SLC25A24: variants seen among roughly 807,000 people sequenced by gnomAD.
The protein encoded by SLC25A24 is mitochondrial adenyl nucleotide antiporter SLC25A24.
In SLC25A24, 49 loss-of-function variants were observed where a neutral mutation model predicts 60.7. That is an observed-to-expected ratio of 0.81 (90% CI 0.64 to 1.02). The LOEUF (loss-of-function observed/expected upper bound fraction) is 1.02, where lower values mean the gene tolerates loss of function less well. Among genes scored for constraint, SLC25A24 ranks in the 50% least tolerant of loss-of-function variants. The probability of loss-of-function intolerance (pLI) is 0.00; values close to 1 mark genes in which losing one functional copy is unlikely to be tolerated. For synonymous variants in SLC25A24, 202 were observed against 200.6 expected (o/e 1.01, Z -0.06); for missense variants, 564 against 586.3 (o/e 0.96, Z 0.39).
chr1:108,178,872 C>G (rs1264090734), intron 3 of SLC25A24, among the ~76,000 whole-genome samples: 1 of 151,326 alleles, frequency 6.6e-6, no homozygotes, highest in African/African-American at 2.4e-5. Context: ...TTCACAAATA[C>G]ATGGAAATTA....
At position 108,174,568 on chromosome 1, in the gene SLC25A24, C is replaced by A. The variant is rs528569153; in HGVS notation, c.398+7373G>T. Reference sequence around the variant, plus strand: ...ACACAGAGTCCCCACTGGAGCACTGCCTAGTGGAGCTGTGAAAAGAGGGCC... The same window carrying A: ...ACACAGAGTCCCCACTGGAGCACTGACTAGTGGAGCTGTGAAAAGAGGGCC... On this transcript the variant is annotated intron_variant, in intron 3 of 9. Coordinates refer to ENST00000565488, the MANE Select transcript of SLC25A24 (RefSeq NM_013386.5). Among the ~76,000 whole-genome samples, 305 of 152,214 alleles carry A rather than the reference C, an allele frequency of 2.0e-3. 2 individuals carry two copies. Among genetic ancestry groups the A allele is most frequent in the Middle Eastern group, 3.4e-3 (1 of 294 alleles).
At chr1:108,194,930 G>A (rs924350285) in intron 1 of SLC25A24, among the ~76,000 whole-genome samples, 2 of 152,174 alleles carry the variant, frequency 1.3e-5, no homozygotes, top group African/African-American at 2.4e-5. Context: ...TTTGAACCCT[G>A]TTCTGATTCC....
rs141137236 is a variant in SLC25A24, at chr1:108,144,964, T to A, written c.931-1254A>T. 3.9e-3 allele frequency among the ~76,000 whole-genome samples: 588 copies of A among 152,314 alleles called. 4 individuals are homozygous for A. The highest frequency in any genetic ancestry group is 0.013 in the African/African-American group (527 of 41,564). On this transcript the variant is annotated intron_variant, in intron 7 of 9. Transcript: ENST00000565488. ...TATAACCAGTAATGGGATTGCTGGG[T>A]CAAACGGTATTTCTGGTTCTAGATC...
chr1:108,168,772 T>C (rs997115579), intron 3 of SLC25A24, among the ~76,000 whole-genome samples: 2 of 152,240 alleles, frequency 1.3e-5, no homozygotes, highest in African/African-American at 2.4e-5. Context: ...GCAAATACCT[T>C]CTCTTTGTCT....
chr1:108,137,172 A>T (rs1266767636), intron 9 of SLC25A24, among the ~76,000 whole-genome samples: 2 of 152,186 alleles, frequency 1.3e-5, no homozygotes, highest in Non-Finnish European at 2.9e-5. Flanking sequence ...AATTTGTCCT[A>T]AAAAAATCTA....
chr1:108,173,091 A>T (rs952779229), intron 3 of SLC25A24, among the ~76,000 whole-genome samples: 28 of 152,148 alleles, frequency 1.8e-4, no homozygotes, highest in Non-Finnish European at 1.0e-4. Context: ...GACAGTTCAG[A>T]TATGGTGGCT....
At chr1:108,151,019 G>A (rs535831043) in intron 6 of SLC25A24, among the ~76,000 whole-genome samples, 13 of 105,224 alleles carry the variant, frequency 1.2e-4, no homozygotes, top group South Asian at 8.7e-4. Context: ...TGGCCAATAC[G>A]GTGAAACCTC....
rs78958811 is a variant in SLC25A24 at position 108,151,652 on chromosome 1, A to G, written c.823-3266T>C. Among the ~76,000 whole-genome samples the G allele has an allele frequency of 5.2e-3, 789 of 152,192 alleles. 10 individuals carry two copies. Among genetic ancestry groups the G allele is most frequent in the African/African-American group, 0.017 (714 of 41,494 alleles). ...CTTATTCCTAGAATTCTTCTCATTT[A>G]TAAGCTCTTCTTGAGTGATCCTGCC... On this transcript the variant is annotated intron_variant, in intron 6 of 9. Coordinates refer to ENST00000565488, the MANE Select transcript of SLC25A24 (RefSeq NM_013386.5).
rs1395118539 is a variant in SLC25A24, at chr1:108,162,638, GTTGT to G, written c.399-1349_399-1346del. Among the ~76,000 whole-genome samples the G allele has an allele frequency of 5.9e-5, 9 of 152,248 alleles. No individual in the cohort carries two copies. In the South Asian group the frequency reaches 1.0e-3, roughly 18 times the overall value. Reference sequence around the variant, plus strand: ...TGTCCTTCACCCACTTTTTGATAGGGTTGTTTGTTTTTTTCTTGTAAATTTGTTT... The same window carrying G: ...TGTCCTTCACCCACTTTTTGATAGGGTTGTTTTTTTCTTGTAAATTTGTTT... On this transcript the variant is annotated intron_variant, in intron 3 of 9. Coordinates refer to ENST00000565488, the MANE Select transcript of SLC25A24 (RefSeq NM_013386.5).
chr1:108,164,723 T>C (rs1262693849), intron 3 of SLC25A24, among the ~76,000 whole-genome samples: 3 of 148,812 alleles, frequency 2.0e-5, no homozygotes, highest in Non-Finnish European at 4.4e-5. Context: ...ATCAATTTTG[T>C]TGATCCTTTC....
chr1:108,167,113 G>C (rs1194429640), intron 3 of SLC25A24, among the ~76,000 whole-genome samples: 1 of 151,946 alleles, frequency 6.6e-6, no homozygotes, highest in Non-Finnish European at 1.5e-5. Context: ...GGGCGTCAGG[G>C]GTCAGGGACC....
rs148128812 is a variant in SLC25A24, at chr1:108,200,248, A to G, written c.-110T>C. On this transcript the variant is annotated 5_prime_UTR_variant, in exon 1 of 10. Transcript: ENST00000565488. ...GGCTGGGCGGGGCGCGCGGCGCAACAGCGTTTGGGGCGCCGTCGGGGTTGC... is the reference window on the plus strand; with the variant it reads ...GGCTGGGCGGGGCGCGCGGCGCAACGGCGTTTGGGGCGCCGTCGGGGTTGC... 1 of 1,122,310 alleles carries G rather than the reference A, an allele frequency of 8.9e-7. No homozygotes were observed. The highest frequency in any genetic ancestry group is 3.2e-5 in the East Asian group (1 of 31,284). 69.5% of individuals were successfully genotyped at this position (1,122,310 alleles called of 1,614,324 possible). A position where few individuals can be genotyped will look rare whatever the true frequency, so the allele number is the denominator to read the frequency against.
chr1:108,160,435 G>A (rs942771772), intron 4 of SLC25A24, among the ~76,000 whole-genome samples: 16 of 151,108 alleles, frequency 1.1e-4, no homozygotes, highest in Admixed American at 6.6e-4. Context: ...ACAGGATGGC[G>A]GCCGGGCAGA....
At chr1:108,148,170 C>T (rs1679658266) in intron 7 of SLC25A24, 109 bp downstream of exon 7, 7 of 758,262 alleles carry the variant, frequency 9.2e-6, no homozygotes, top group East Asian at 5.0e-5. Context: ...AGAAACTGTG[C>T]GATGATAAAT....
intron 7 of SLC25A24, among the ~76,000 whole-genome samples, chr1:108,144,680 G>A (rs1458789486): frequency 6.6e-6 from 1 of 152,130 alleles, no homozygotes; most frequent in East Asian, 1.9e-4. Context: ...AACATGTGGT[G>A]TTTGGTTTTC....
chr1:108,181,879 A>G, intron 3 of SLC25A24, 62 bp downstream of exon 3: 1 of 1,201,066 alleles, frequency 8.3e-7, no homozygotes, highest in Non-Finnish European at 1.2e-6. Flanking sequence ...ACTTACAAAC[A>G]CAGAGTTCTA....
At chr1:108,196,815 GAA>G (rs1648512937) in intron 1 of SLC25A24, among the ~76,000 whole-genome samples, 1 of 88,004 alleles carries the variant, frequency 1.1e-5, no homozygotes, top group Non-Finnish European at 2.5e-5. Context: ...CAGGAAGAAA[GAA>G]GATGGGGGTA....
intron 3 of SLC25A24, among the ~76,000 whole-genome samples, chr1:108,175,633 T>C (rs1318223987): frequency 1.8e-4 from 27 of 152,082 alleles, no homozygotes; most frequent in Admixed American, 5.2e-4. Context: ...GAGGCTGCAA[T>C]GAGCCATGAT....
At chr1:108,192,836 G>C (rs1441593504) in intron 1 of SLC25A24, 3 of 1,152,830 alleles carry the variant, frequency 2.6e-6, no homozygotes, top group South Asian at 2.2e-5. Context: ...AGGCGCGAGC[G>C]CGCAGGACCC....
Sources: allele counts gnomAD v4.1 joint callset (sites outside exome capture counted in the v4.1 genomes callset), GRCh38; gene constraint gnomAD v4.1.1; transcripts MANE v1.5; gene names NCBI Gene and HGNC (gene_info 2026-07-23, HGNC 2026-07-21).